GFRAL: variants seen among roughly 807,000 people sequenced by gnomAD.
GFRAL encodes GDNF family receptor alpha like, also known as GDNF family receptor alpha-like.
Under a neutral mutation model 45.4 loss-of-function variants are expected in GFRAL, and 36 were observed. The ratio of observed to expected loss-of-function variants is 0.79; its 90% CI spans 0.61 to 1.05. The LOEUF (loss-of-function observed/expected upper bound fraction) is 1.05. Among genes scored for constraint, GFRAL ranks in the 50% least tolerant of loss-of-function variants. GFRAL has a pLI of 0.00. For synonymous variants in GFRAL, 166 were observed against 154.1 expected (o/e 1.08, Z -0.57); for missense variants, 507 against 467.5 (o/e 1.08, Z -0.78).
chr6:55,368,142 T>G (rs1319489601), intron 6 of GFRAL, among the ~76,000 whole-genome samples: 1 of 150,586 alleles, frequency 6.6e-6, no homozygotes, highest in South Asian at 2.1e-4. Flanking sequence ...TGCTCATTTC[T>G]TTTTATTCTT....
At chr6:55,381,788 A>G (rs1768611151) in intron 6 of GFRAL, among the ~76,000 whole-genome samples, 1 of 151,858 alleles carries the variant, frequency 6.6e-6, no homozygotes, top group Non-Finnish European at 1.5e-5. Context: ...ACACTGAGCT[A>G]AGTGAATTGT....
intron 1 of GFRAL, among the ~76,000 whole-genome samples, chr6:55,327,915 C>A (rs1253848797): frequency 6.6e-6 from 1 of 151,898 alleles, no homozygotes; most frequent in African/African-American, 2.4e-5. Context: ...AAAAATAAAA[C>A]CTTCCAGTAT....
chr6:55,357,397 T>A (rs1768208906), intron 5 of GFRAL, among the ~76,000 whole-genome samples: 1 of 151,570 alleles, frequency 6.6e-6, no homozygotes, highest in African/African-American at 2.4e-5. Flanking sequence ...CTGAGTTGAA[T>A]CTGTTATCAT....
intron 6 of GFRAL, among the ~76,000 whole-genome samples, chr6:55,372,643 T>C (rs1288167656): frequency 6.6e-6 from 1 of 152,116 alleles, no homozygotes; most frequent in Non-Finnish European, 1.5e-5. Flanking sequence ...ATTTTATGGT[T>C]CGATGGTGGC....
At chr6:55,367,540 T>C (rs1309886560) in intron 6 of GFRAL, among the ~76,000 whole-genome samples, 1 of 151,046 alleles carries the variant, frequency 6.6e-6, no homozygotes, top group Non-Finnish European at 1.5e-5. Flanking sequence ...CTAGTCTCGA[T>C]GGTCTTTACA....
At chr6:55,345,069 A>C (rs1360775782) in intron 3 of GFRAL, among the ~76,000 whole-genome samples, 1 of 152,236 alleles carries the variant, frequency 6.6e-6, no homozygotes, top group Non-Finnish European at 1.5e-5. Flanking sequence ...AGAGCATTCC[A>C]TGTTCATGGA....
intron 3 of GFRAL, among the ~76,000 whole-genome samples, chr6:55,337,497 C>T (rs1352839621): frequency 2.6e-5 from 4 of 152,200 alleles, no homozygotes; most frequent in Non-Finnish European, 5.9e-5. Flanking sequence ...TCCTTCCTTA[C>T]ATGATCTATT....
intron 6 of GFRAL, among the ~76,000 whole-genome samples, chr6:55,368,563 C>A (rs1400568911): frequency 6.6e-6 from 1 of 151,960 alleles, no homozygotes; most frequent in East Asian, 1.9e-4. Context: ...TTTTCCCCAT[C>A]TTTGTGGTTT....
intron 5 of GFRAL, among the ~76,000 whole-genome samples, chr6:55,358,048 A>G (rs965519981): frequency 1.6e-4 from 25 of 151,760 alleles, no homozygotes; most frequent in African/African-American, 5.6e-4. Context: ...ATTAATCTTC[A>G]TTATTATATT....
rs774428855 is a variant in GFRAL at position 55,387,521 on chromosome 6, T to C, written c.953-11659T>C. Among the ~76,000 whole-genome samples, 3 of 152,312 alleles carry C rather than the reference T, an allele frequency of 2.0e-5. No homozygotes were observed. In the South Asian group the frequency reaches 6.2e-4, roughly 32 times the overall value. On this transcript the variant is annotated intron_variant, in intron 6 of 8. Coordinates refer to ENST00000340465, the MANE Select transcript of GFRAL (RefSeq NM_207410.2). ...AGATGTATTGCCATAAAACACCATA[T>C]GTGGGCACTTAATAGTTACTGCCCT...
chr6:55,338,615 TA>T (rs1044862067), intron 3 of GFRAL, among the ~76,000 whole-genome samples: 1 of 151,354 alleles, frequency 6.6e-6, no homozygotes, highest in African/African-American at 2.4e-5. Context: ...AGCCATAGAG[TA>T]AAAAATAATG....
At chr6:55,388,357 A>G (rs1768705912) in intron 6 of GFRAL, among the ~76,000 whole-genome samples, 1 of 152,166 alleles carries the variant, frequency 6.6e-6, no homozygotes, top group African/African-American at 2.4e-5. Flanking sequence ...GTTTTCTCAG[A>G]GGGCGACTCA....
intron 3 of GFRAL, among the ~76,000 whole-genome samples, chr6:55,349,590 C>T (rs751237373): frequency 6.6e-6 from 1 of 151,890 alleles, no homozygotes; most frequent in Non-Finnish European, 1.5e-5. Flanking sequence ...AGTTCATTTT[C>T]GTTGATGAGA....
intron 6 of GFRAL, among the ~76,000 whole-genome samples, chr6:55,385,225 C>G (rs1768663628): frequency 6.6e-6 from 1 of 152,062 alleles, no homozygotes; most frequent in Non-Finnish European, 1.5e-5. Context: ...TGTAAAGAAT[C>G]TTCTCATGGA....
At chr6:55,367,919 C>G (rs1163076554) in intron 6 of GFRAL, among the ~76,000 whole-genome samples, 17 of 147,250 alleles carry the variant, frequency 1.2e-4, no homozygotes, top group African/African-American at 2.3e-4. Context: ...AATTATGTGT[C>G]TTGGAGTTGC....
chr6:55,379,768 TC>T (rs955486805), intron 6 of GFRAL, among the ~76,000 whole-genome samples: 10 of 151,916 alleles, frequency 6.6e-5, no homozygotes, highest in South Asian at 2.1e-4. Context: ...AATTTTTTCT[TC>T]CTATCTAACT....
intron 6 of GFRAL, among the ~76,000 whole-genome samples, chr6:55,378,148 G>T (rs55969835): frequency 0.11 from 17,058 of 152,038 alleles, 1,054 homozygotes; most frequent in African/African-American, 0.16. Context: ...TCGTGCTTCA[G>T]TGGCAGAAAA....
rs978754152 is a variant in GFRAL, at chr6:55,333,856, C to A, written c.228C>A (p.Ser76Arg). The A allele has an allele frequency of 2.5e-6, 4 of 1,608,524 alleles. 1 individual carries two copies. The African/African-American group carries it at 5.4e-5, about 22-fold the overall frequency. ...TGAGTATCCAGTACTTAGTGGAAAG[C>A]AATTTCCAATTTAAAGAGTGTCTTT... ...CNLSIQYLVE[S>R]NFQFKECLCT... is the part of the protein sequence containing the mutation. Residue 76 changes from serine (S) to arginine (R), a missense_variant, in exon 3 of 9, where the codon AGC becomes AGA. Ser to Arg is a moderately radical substitution (Grantham distance 110). Transcript: ENST00000340465.
At chr6:55,344,469 G>A (rs1038837615) in intron 3 of GFRAL, among the ~76,000 whole-genome samples, 2 of 152,080 alleles carry the variant, frequency 1.3e-5, no homozygotes, top group Non-Finnish European at 2.9e-5. Flanking sequence ...ATGCAGAAAA[G>A]GCCTTTGACA....
Sources: allele counts gnomAD v4.1 joint callset (sites outside exome capture counted in the v4.1 genomes callset), GRCh38; gene constraint gnomAD v4.1.1; transcripts MANE v1.5; gene names NCBI Gene and HGNC (gene_info 2026-07-23, HGNC 2026-07-21).